COL23A1: variants seen among roughly 807,000 people sequenced by gnomAD.
COL23A1 encodes collagen type XXIII alpha 1 chain, also known as collagen alpha-1(XXIII) chain.
COL23A1 carries 97 observed loss-of-function variants against 99.3 expected under a neutral mutation model. The observed-to-expected ratio is 0.98, with a 90% confidence interval of 0.83 to 1.16. The LOEUF (loss-of-function observed/expected upper bound fraction) is 1.16, where lower values mean the gene tolerates loss of function less well. Among genes scored for constraint, COL23A1 ranks in the 50% most tolerant of loss-of-function variants. The probability of loss-of-function intolerance (pLI) is 0.00; values close to 1 mark genes in which losing one functional copy is unlikely to be tolerated. For missense variants in COL23A1, 762 were observed against 757.4 expected (o/e 1.01, Z -0.07); for synonymous variants, 320 against 308.2 (o/e 1.04, Z -0.40).
rs1377419057 is a variant in COL23A1, at chr5:178,288,314, G to T, written c.441+10C>A. Reference sequence around the variant, plus strand: ...GGGTGAAGAGAGCAAAAAAATAAATGACAAATTACCGGGTAGCCATCTCGT... The same window carrying T: ...GGGTGAAGAGAGCAAAAAAATAAATTACAAATTACCGGGTAGCCATCTCGT... On this transcript the variant is annotated intron_variant, in intron 5 of 28. Transcript: ENST00000390654. The T allele has an allele frequency of 6.2e-7, 1 of 1,605,038 alleles. No homozygotes were observed. The highest frequency in any genetic ancestry group is 1.3e-5 in the African/African-American group (1 of 74,870).
At chr5:178,383,030 G>A (rs1230748947) in intron 2 of COL23A1, among the ~76,000 whole-genome samples, 1 of 152,166 alleles carries the variant, frequency 6.6e-6, no homozygotes, top group Non-Finnish European at 1.5e-5. Context: ...AAAGCTGACA[G>A]GAGCCAGGGG....
Position 178,580,434 on chromosome 5 carries a change from C to T in COL23A1, c.294+9470G>A, listed in dbSNP as rs114016252. ...TCTCCTATAGCCTCTAGAAGTACGC[C>T]GACACGTGACTTTCAGAGGACATCT... On this transcript the variant is annotated intron_variant, in intron 1 of 28. Transcript: ENST00000390654. Among the ~76,000 whole-genome samples, 711 of 149,558 alleles carry T rather than the reference C, an allele frequency of 4.8e-3. 5 individuals are homozygous for T. Among genetic ancestry groups the T allele is most frequent in the African/African-American group, 0.016 (674 of 40,946 alleles).
chr5:178,361,606 C>T (rs1370704402), intron 2 of COL23A1, among the ~76,000 whole-genome samples: 4 of 152,084 alleles, frequency 2.6e-5, no homozygotes, highest in African/African-American at 9.7e-5. Context: ...CACCCCCCTA[C>T]AGGACTCATG....
At chr5:178,386,626 G>C (rs1464248374) in intron 2 of COL23A1, among the ~76,000 whole-genome samples, 1 of 152,076 alleles carries the variant, frequency 6.6e-6, no homozygotes, top group African/African-American at 2.4e-5. Flanking sequence ...GTGGGGGTCT[G>C]TTTTCCTCCG....
At position 178,544,024 on chromosome 5, in the gene COL23A1, C is replaced by A. The variant is rs1030300927; in HGVS notation, c.361+16658G>T. The stretch of plus-strand genomic sequence containing the variant: ...CACTAATCCCATCACAAGGGCTCCA[C>A]TCTCATACCCTAATCACCTCCTAAC... On this transcript the variant is annotated intron_variant, in intron 2 of 28. Transcript: ENST00000390654. The surrounding 1 kb of genome is among the most constrained non-coding windows in gnomAD (Gnocchi z 4.4). Among the ~76,000 whole-genome samples, 2 of 152,110 alleles carry A rather than the reference C, an allele frequency of 1.3e-5. No individual in the cohort carries two copies. Among genetic ancestry groups the A allele is most frequent in the African/African-American group, 4.8e-5 (2 of 41,402 alleles).
At chr5:178,443,431 G>C (rs1023490818) in intron 2 of COL23A1, among the ~76,000 whole-genome samples, 1 of 152,132 alleles carries the variant, frequency 6.6e-6, no homozygotes, top group African/African-American at 2.4e-5. Context: ...TTCTTCTTCT[G>C]GGGATGTCCA....
At chr5:178,383,012 G>T (rs2127739508) in intron 2 of COL23A1, among the ~76,000 whole-genome samples, 1 of 152,224 alleles carries the variant, frequency 6.6e-6, no homozygotes, top group East Asian at 1.9e-4. Context: ...GGCTGGCTGG[G>T]CTCCTGAAAA....
At chr5:178,320,649 C>T (rs1759243909) in intron 2 of COL23A1, among the ~76,000 whole-genome samples, 1 of 152,200 alleles carries the variant, frequency 6.6e-6, no homozygotes, top group South Asian at 2.1e-4. Flanking sequence ...CCGCCCAGTT[C>T]CCACGCATCC....
chr5:178,244,943 A>ATCCC (rs1764589150), intron 25 of COL23A1, among the ~76,000 whole-genome samples: 1 of 147,814 alleles, frequency 6.8e-6, no homozygotes, highest in South Asian at 2.2e-4. Context: ...CCATCCATCC[A>ATCCC]TCCCTCCACT....
rs7728996 is a variant in COL23A1 at position 178,455,260 on chromosome 5, C to A, written c.361+105422G>T. On this transcript the variant is annotated intron_variant, in intron 2 of 28. Transcript: ENST00000390654. ...CGATGAAGGCGTGAAAAGTCACGCA[C>A]GGGCCTGCCCGTGGGCCCGCCCTAA... Among the ~76,000 whole-genome samples the A allele has an allele frequency of 3.7e-3, 559 of 152,306 alleles. 4 individuals carry two copies. Among genetic ancestry groups the A allele is most frequent in the African/African-American group, 0.013 (527 of 41,566 alleles).
At chr5:178,537,565 A>G (rs1761045912) in intron 2 of COL23A1, among the ~76,000 whole-genome samples, 1 of 152,182 alleles carries the variant, frequency 6.6e-6, no homozygotes, top group African/African-American at 2.4e-5. Context: ...CTCCCCACTC[A>G]GCAGACATGA....
chr5:178,270,359 G>T lies in COL23A1; in HGVS notation c.446C>A (p.Pro149His), dbSNP rs548478940. The change falls in exon 6 of 29, where the codon CCC becomes CAC. Residue 149 changes from proline (P) to histidine (H), a missense_variant. Coordinates refer to ENST00000390654, the MANE Select transcript of COL23A1 (RefSeq NM_173465.4). The stretch of plus-strand genomic sequence containing the variant: ...TACGGGCTTGCCATCCAAACCCAGG[G>T]GTCCCTGGAAAACGAGAGAGAGAGA... ...GQSGRDGYPGPLGLDGKPGLP... is the reference protein window; with the variant it reads ...GQSGRDGYPGHLGLDGKPGLP... 7.4e-6 allele frequency: 12 copies of T among 1,613,900 alleles called. No individual in the cohort carries two copies. The South Asian group carries it at 1.2e-4, about 16-fold the overall frequency.
At chr5:178,371,521 C>T (rs933883937) in intron 2 of COL23A1, among the ~76,000 whole-genome samples, 2 of 152,202 alleles carry the variant, frequency 1.3e-5, no homozygotes, top group Non-Finnish European at 2.9e-5. Context: ...GCTACCTGAC[C>T]TTGGTATCAG....
At position 178,376,352 on chromosome 5, in the gene COL23A1, T is replaced by C. The variant is rs1261767222; in HGVS notation, c.362-69433A>G. ...ACTCTGTCTTCACATCTCTGAGAAG[T>C]AGGTATTATCATTTCCGTTTCTCAG... is the stretch of plus-strand genomic sequence containing the variant. On this transcript the variant is annotated intron_variant, in intron 2 of 28. Transcript: ENST00000390654. Among the ~76,000 whole-genome samples the C allele has an allele frequency of 5.3e-5, 8 of 152,180 alleles. No homozygotes were observed. In the East Asian group the frequency reaches 1.2e-3, roughly 22 times the overall value.
chr5:178,401,698 T>C (rs183852525), intron 2 of COL23A1, among the ~76,000 whole-genome samples: 1 of 152,368 alleles, frequency 6.6e-6, no homozygotes, highest in East Asian at 1.9e-4. Context: ...TTTAACTTGA[T>C]AAGATACACT....
At chr5:178,453,745 G>A (rs571840791) in intron 2 of COL23A1, among the ~76,000 whole-genome samples, 1 of 152,236 alleles carries the variant, frequency 6.6e-6, no homozygotes, top group South Asian at 2.1e-4. Flanking sequence ...CAGGTGAAAC[G>A]ACTCGTTCAC....
chr5:178,444,930 C>T (rs1475636012), intron 2 of COL23A1, among the ~76,000 whole-genome samples: 1 of 152,170 alleles, frequency 6.6e-6, no homozygotes, highest in Non-Finnish European at 1.5e-5. Context: ...GAGGATTAAG[C>T]TACACAATGT....
intron 2 of COL23A1, among the ~76,000 whole-genome samples, chr5:178,362,428 C>T (rs1328252527): frequency 1.3e-5 from 2 of 152,178 alleles, no homozygotes; most frequent in South Asian, 2.1e-4. Flanking sequence ...CTCACTTCAC[C>T]GAGGGGTGCC....
intron 27 of COL23A1, 36 bp from the exon 28 acceptor site, chr5:178,239,215 G>C: frequency 6.2e-7 from 1 of 1,612,332 alleles, no homozygotes; most frequent in Non-Finnish European, 8.5e-7. Context: ...TGGGGATGGG[G>C]CCTGGGGAGC....
Sources: gnomAD v4.1 joint callset for allele counts (sites outside exome capture counted in the v4.1 genomes callset) on GRCh38, gnomAD v4.1.1 for gene constraint, Gnocchi (gnomAD v3.1) non-coding constraint, MANE v1.5 for transcripts, NCBI Gene and HGNC (gene_info 2026-07-23, HGNC 2026-07-21) for gene names.